Variants in CACNA2D1 observed in about 807,000 individuals in gnomAD.
CACNA2D1 encodes the protein calcium voltage-gated channel auxiliary subunit alpha2delta 1.
A neutral mutation model predicts 171.5 loss-of-function variants in CACNA2D1; 53 were observed. The observed-to-expected ratio is 0.31, with a 90% confidence interval of 0.25 to 0.39. CACNA2D1 has a LOEUF of 0.39. Among genes scored for constraint, CACNA2D1 ranks in the 10% least tolerant of loss-of-function variants. CACNA2D1 has a pLI of 1.00. For synonymous variants in CACNA2D1, 442 were observed against 443.1 expected, an observed-to-expected ratio of 1.00 and a Z score of 0.03; for missense variants, 903 against 1,299.8, an observed-to-expected ratio of 0.69 and a Z score of 4.69.
At chr7:82,344,658 ACT>A (rs1481237407) in intron 2 of CACNA2D1, among the ~76,000 whole-genome samples, 1 of 152,040 alleles carries the variant, frequency 6.6e-6, no homozygotes, top group East Asian at 1.9e-4. Context: ...GGGAAACCAT[ACT>A]CTCTGCATTC....
chr7:82,441,573 A>G (rs190834074), intron 1 of CACNA2D1, among the ~76,000 whole-genome samples: 33 of 152,266 alleles, frequency 2.2e-4, no homozygotes, highest in African/African-American at 7.9e-4. Context: ...TTAGGAAAGC[A>G]TTATTGCAGA....
intron 12 of CACNA2D1, chr7:82,021,155 C>T (rs575333291): frequency 2.1e-4 from 32 of 152,078 alleles, no homozygotes; most frequent in Non-Finnish European, 4.0e-4. Flanking sequence ...TACGGGCCCA[C>T]TGAATTTCCA....
chr7:82,119,642 A>G (rs1301858481), intron 5 of CACNA2D1, among the ~76,000 whole-genome samples: 1 of 152,224 alleles, frequency 6.6e-6, no homozygotes, highest in Non-Finnish European at 1.5e-5. Context: ...TTCAAAAATT[A>G]AAGTCTATAT....
intron 6 of CACNA2D1, among the ~76,000 whole-genome samples, chr7:82,098,451 C>A (rs1812195187): frequency 6.6e-6 from 1 of 152,114 alleles, no homozygotes; most frequent in Non-Finnish European, 1.5e-5. Flanking sequence ...TTTTCAAAAT[C>A]ATTATTGATG....
chr7:81,974,133 G>A (rs982383188), intron 25 of CACNA2D1, among the ~76,000 whole-genome samples: 2 of 151,784 alleles, frequency 1.3e-5, no homozygotes, highest in Non-Finnish European at 2.9e-5. Flanking sequence ...CAGGCAAAAT[G>A]CTATAAAAAA....
At chr7:82,259,427 G>T (rs1348665321) in intron 3 of CACNA2D1, among the ~76,000 whole-genome samples, 1 of 152,072 alleles carries the variant, frequency 6.6e-6, no homozygotes, top group East Asian at 1.9e-4. Flanking sequence ...CCTCATTCGT[G>T]TCACATTTGT....
At chr7:82,429,289 GTAT>G (rs1392597943) in intron 1 of CACNA2D1, among the ~76,000 whole-genome samples, 1 of 152,008 alleles carries the variant, frequency 6.6e-6, no homozygotes, top group African/African-American at 2.4e-5. Flanking sequence ...TGTGTAATGT[GTAT>G]TATATGTATG....
At chr7:82,404,257 G>A (rs1826774342) in intron 1 of CACNA2D1, among the ~76,000 whole-genome samples, 1 of 152,118 alleles carries the variant, frequency 6.6e-6, no homozygotes, top group African/African-American at 2.4e-5. Flanking sequence ...ACTTCTGGTT[G>A]CAATGAGGAC....
At chr7:82,308,712 T>C (rs1563344914) in intron 3 of CACNA2D1, among the ~76,000 whole-genome samples, 1 of 152,352 alleles carries the variant, frequency 6.6e-6, no homozygotes, top group East Asian at 1.9e-4. Context: ...AAAATTTCCA[T>C]AACAAACTTT....
At chr7:82,132,631 T>C (rs1471798432) in intron 5 of CACNA2D1, among the ~76,000 whole-genome samples, 1 of 152,066 alleles carries the variant, frequency 6.6e-6, no homozygotes, top group Non-Finnish European at 1.5e-5. Context: ...ATGGAAGAGC[T>C]ACACTGAGGA....
At position 82,059,627 on chromosome 7, in the gene CACNA2D1, CATTACTTCA is replaced by C. The variant is rs1440467265; in HGVS notation, c.879+792_879+800del. Among the ~76,000 whole-genome samples the C allele has an allele frequency of 4.0e-5, 6 of 151,894 alleles. No homozygotes were observed. The East Asian group carries it at 1.2e-3, about 29-fold the overall frequency. ...ATGTGGAATGCTTTTTATTTATAGT[CATTACTTCA>C]ATTACTTTAACCAGGGATAAATTCT... On this transcript the variant is annotated intron_variant, in intron 10 of 38. Transcript: ENST00000356860.
At chr7:82,219,170 G>A (rs185353670) in intron 3 of CACNA2D1, among the ~76,000 whole-genome samples, 38 of 152,220 alleles carry the variant, frequency 2.5e-4, no homozygotes, top group Non-Finnish European at 4.0e-4. Flanking sequence ...AAGTCTTTGG[G>A]ATTGCAATGC....
At chr7:82,245,454 G>A (rs567345400) in intron 3 of CACNA2D1, among the ~76,000 whole-genome samples, 18 of 152,106 alleles carry the variant, frequency 1.2e-4, no homozygotes, top group Admixed American at 2.6e-4. Context: ...AGAACTCCTC[G>A]GTTTGGTGTT....
At chr7:82,288,152 T>C (rs1431476560) in intron 3 of CACNA2D1, among the ~76,000 whole-genome samples, 3 of 152,076 alleles carry the variant, frequency 2.0e-5, no homozygotes, top group Non-Finnish European at 4.4e-5. Flanking sequence ...AAGTTTTTTA[T>C]ATAAAGGTCT....
intron 21 of CACNA2D1, among the ~76,000 whole-genome samples, chr7:81,990,941 T>C (rs921077240): frequency 1.3e-5 from 2 of 152,182 alleles, no homozygotes; most frequent in African/African-American, 4.8e-5. Context: ...TTATGGGTAT[T>C]TGTCAACATT....
intron 10 of CACNA2D1, among the ~76,000 whole-genome samples, chr7:82,041,297 T>C (rs1293392389): frequency 6.6e-6 from 1 of 152,106 alleles, no homozygotes; most frequent in East Asian, 1.9e-4. Flanking sequence ...CGTCGAAAGG[T>C]AGGGACAGAT....
At chr7:82,427,850 T>C (rs766030150) in intron 1 of CACNA2D1, among the ~76,000 whole-genome samples, 1 of 152,156 alleles carries the variant, frequency 6.6e-6, no homozygotes, top group African/African-American at 2.4e-5. Flanking sequence ...GTCACTCAAA[T>C]GAATATCTGT....
intron 3 of CACNA2D1, among the ~76,000 whole-genome samples, chr7:82,283,029 A>T (rs1051654547): frequency 6.6e-6 from 1 of 152,200 alleles, no homozygotes; most frequent in Non-Finnish European, 1.5e-5. Context: ...TCATTTAAAC[A>T]TCTGAATCGA....
chr7:82,334,450 A>T (rs969054639), intron 3 of CACNA2D1, among the ~76,000 whole-genome samples: 22 of 152,192 alleles, frequency 1.4e-4, no homozygotes, highest in African/African-American at 5.1e-4. Context: ...ACCTACAGAG[A>T]CTAAATGAAG....
Sources: allele counts gnomAD v4.1 joint callset (sites outside exome capture counted in the v4.1 genomes callset), GRCh38; gene constraint gnomAD v4.1.1; transcripts MANE v1.5; gene names NCBI Gene and HGNC (gene_info 2026-07-23, HGNC 2026-07-21).